The following ATG7 variants were observed in gnomAD, a reference collection of about 807,000 sequenced individuals.
ATG7 encodes the protein ubiquitin-like modifier-activating enzyme ATG7.
In ATG7, 70 loss-of-function variants were observed where a neutral mutation model predicts 82.4. The observed-to-expected ratio is 0.85, with a 90% CI of 0.70 to 1.04. The LOEUF (loss-of-function observed/expected upper bound fraction) is 1.04, where lower values mean the gene tolerates loss of function less well. ATG7 is among the 50% of genes least tolerant of loss of function. The pLI, the probability that ATG7 is intolerant of heterozygous loss-of-function variation, is 0.00. For synonymous variants in ATG7, 287 were observed against 313.0 expected, an observed-to-expected ratio of 0.92 and a Z score of 0.88; for missense variants, 792 against 864.3, an observed-to-expected ratio of 0.92 and a Z score of 1.05.
chr3:11,498,509 AC>A (rs2091042610), intron 20 of ATG7, among the ~76,000 whole-genome samples: 2 of 151,944 alleles, frequency 1.3e-5, no homozygotes, highest in African/African-American at 4.8e-5. Context: ...CAATCCATCC[AC>A]CACCTCCACT....
chr3:11,379,964 G>T lies in ATG7; in HGVS notation c.1876-8G>T. 8 of 1,613,758 alleles carry T rather than the reference G, an allele frequency of 5.0e-6. No individual in the cohort carries two copies. The highest frequency in any genetic ancestry group is 6.8e-6 in the Non-Finnish European group (8 of 1,179,684). Reference sequence around the variant, plus strand: ...TGATGTGAATTGTTTTGTTTTGTTTGTTTTTAGATCCGGGGATTTCTTTCA... The same window carrying T: ...TGATGTGAATTGTTTTGTTTTGTTTTTTTTTAGATCCGGGGATTTCTTTCA... On this transcript the variant is annotated splice_region_variant and splice_polypyrimidine_tract_variant and intron_variant, in intron 18 of 20. Transcript: ENST00000693202.
At chr3:11,536,162 G>A (rs6777022) in intron 20 of ATG7, among the ~76,000 whole-genome samples, 29,552 of 152,204 alleles carry the variant, frequency 0.19, 3,085 homozygotes, top group Middle Eastern at 0.27. Flanking sequence ...GACTGCCCCC[G>A]GGCCAGGGGA....
At chr3:11,554,444 G>A (rs751247354) in intron 20 of ATG7, among the ~76,000 whole-genome samples, 19 of 152,194 alleles carry the variant, frequency 1.2e-4, no homozygotes, top group Non-Finnish European at 2.1e-4. Flanking sequence ...CAGAGGGCAG[G>A]TGGACCACAA....
chr3:11,507,429 A>G (rs2091794687), intron 20 of ATG7, among the ~76,000 whole-genome samples: 1 of 152,252 alleles, frequency 6.6e-6, no homozygotes, highest in Non-Finnish European at 1.5e-5. Context: ...AATACATCAA[A>G]TAATGATCTA....
rs543709463 is a variant in ATG7 at position 11,490,426 on chromosome 3, G to A, written c.2079+63500G>A. Reference sequence around the variant, plus strand: ...CTGATGAGTCTTGACTCTTTATCCAGTTTGCCAGTCTGTGTCTTTTAATTG... The same window carrying A: ...CTGATGAGTCTTGACTCTTTATCCAATTTGCCAGTCTGTGTCTTTTAATTG... On this transcript the variant is annotated intron_variant, in intron 20 of 20. Coordinates refer to ENST00000693202, the MANE Select transcript of ATG7 (RefSeq NM_001349232.2). 2.8e-4 allele frequency among the ~76,000 whole-genome samples: 42 copies of A among 152,042 alleles called. No homozygotes were observed. The South Asian group carries it at 5.8e-3, about 21-fold the overall frequency.
rs1241667226 is a variant in ATG7, at chr3:11,557,129, G to A, written c.*2286G>A. On this transcript the variant is annotated 3_prime_UTR_variant, in exon 21 of 21. Coordinates refer to ENST00000693202, the MANE Select transcript of ATG7 (RefSeq NM_001349232.2). ...CAGGTGGGACACAGCACACCCCAGG[G>A]GGAGGGGATAGAAACGCTCATTGAC... 6.6e-6 allele frequency: 1 copy of A among 152,590 alleles called. No individual in the cohort carries two copies. The highest frequency in any genetic ancestry group is 1.5e-5 in the Non-Finnish European group (1 of 68,048). The allele number at this position is 152,590 out of a possible 1,614,324, so 9.5% of individuals were successfully genotyped here.
chr3:11,566,090 G>A, the ATG7 span, among the ~76,000 whole-genome samples: 1 of 152,238 alleles, frequency 6.6e-6, no homozygotes, highest in African/African-American at 2.4e-5. Flanking sequence ...AAAAGCCTAG[G>A]CCTGCCCTGG....
intron 20 of ATG7, among the ~76,000 whole-genome samples, chr3:11,536,146 A>G (rs1035759166): frequency 2.0e-5 from 3 of 152,214 alleles, no homozygotes; most frequent in Non-Finnish European, 4.4e-5. Flanking sequence ...GGGAGGAATT[A>G]GAAAGGACTG....
At chr3:11,470,011 AGAG>A (rs1372062029) in intron 20 of ATG7, among the ~76,000 whole-genome samples, 92 of 146,786 alleles carry the variant, frequency 6.3e-4, no homozygotes, top group African/African-American at 2.2e-3. Context: ...AAAAAAAAAG[AGAG>A]AGAGAGATGG....
intron 1 of ATG7, among the ~76,000 whole-genome samples, chr3:11,280,728 G>A (rs560560945): frequency 1.1e-4 from 17 of 152,148 alleles, no homozygotes; most frequent in Admixed American, 1.1e-3. Context: ...GTAAAATATG[G>A]TAATAAGAAT....
chr3:11,549,764 G>C (rs1477013273), intron 20 of ATG7, among the ~76,000 whole-genome samples: 2 of 152,168 alleles, frequency 1.3e-5, no homozygotes, highest in Non-Finnish European at 2.9e-5. Flanking sequence ...GAGTGGAATG[G>C]CTGGATCACA....
At chr3:11,415,649 C>G (rs2081309802) in intron 19 of ATG7, among the ~76,000 whole-genome samples, 1 of 152,124 alleles carries the variant, frequency 6.6e-6, no homozygotes, top group Non-Finnish European at 1.5e-5. Context: ...ATCAGTATCA[C>G]TGCCTTCCAC....
chr3:11,393,580 A>G (rs997228233), intron 19 of ATG7, among the ~76,000 whole-genome samples: 1 of 152,230 alleles, frequency 6.6e-6, no homozygotes, highest in African/African-American at 2.4e-5. Flanking sequence ...TGAAATGTCA[A>G]CTGACCTTTG....
At chr3:11,561,362 G>A (rs186573356), downstream of ATG7, among the ~76,000 whole-genome samples, 3 of 152,336 alleles carry the variant, frequency 2.0e-5, no homozygotes, top group Middle Eastern at 6.8e-3. Flanking sequence ...AGCAGGGCAG[G>A]CTGGCTGACT....
At chr3:11,569,863 A>G in the ATG7 span, among the ~76,000 whole-genome samples, 1 of 152,198 alleles carries the variant, frequency 6.6e-6, no homozygotes, top group Non-Finnish European at 1.5e-5. Flanking sequence ...CCTGGGTGAC[A>G]GAGCAAGACC....
At chr3:11,455,201 T>G (rs2085584345) in intron 20 of ATG7, among the ~76,000 whole-genome samples, 1 of 152,206 alleles carries the variant, frequency 6.6e-6, no homozygotes. Flanking sequence ...GTAGAATGCC[T>G]TGTTGATTTT....
chr3:11,368,210 T>C (rs2076753448), intron 18 of ATG7, among the ~76,000 whole-genome samples: 1 of 122,390 alleles, frequency 8.2e-6, no homozygotes, highest in South Asian at 2.8e-4. Flanking sequence ...CTTCTTCCCA[T>C]CAACAGTGTT....
intron 20 of ATG7, among the ~76,000 whole-genome samples, chr3:11,490,904 AT>A (rs1350432255): frequency 6.6e-6 from 1 of 151,792 alleles, no homozygotes; most frequent in Non-Finnish European, 1.5e-5. Context: ...TGCCCTTAAC[AT>A]TTTTTCCTTC....
intron 20 of ATG7, among the ~76,000 whole-genome samples, chr3:11,446,161 C>T (rs1016077712): frequency 4.7e-5 from 7 of 150,526 alleles, no homozygotes; most frequent in Non-Finnish European, 8.8e-5. Context: ...TGGGTTAGAG[C>T]AGCAGTTCTG....
Sources: allele counts gnomAD v4.1 joint callset (sites outside exome capture counted in the v4.1 genomes callset), GRCh38; gene constraint gnomAD v4.1.1; transcripts MANE v1.5; gene names NCBI Gene and HGNC (gene_info 2026-07-23, HGNC 2026-07-21).